The following NMT1 variants were observed in gnomAD, a reference collection of about 807,000 sequenced individuals.
The protein encoded by NMT1 is glycylpeptide N-tetradecanoyltransferase 1.
NMT1 carries 12 observed loss-of-function variants against 63.4 expected under a neutral mutation model. The observed-to-expected ratio is 0.19, with a 90% CI of 0.12 to 0.31. The LOEUF is 0.31. Ranked by LOEUF, NMT1 falls within the 10% of genes least tolerant of loss-of-function variation. The pLI is 1.00. For synonymous variants in NMT1, 228 were observed against 234.3 expected, an observed-to-expected ratio of 0.97 and a Z score of 0.25; for missense variants, 432 against 634.6, an observed-to-expected ratio of 0.68 and a Z score of 3.43.
chr17:45,061,641 G>A, intron 1 of NMT1, 181 bp downstream of exon 1: 1 of 578,684 alleles, frequency 1.7e-6, no homozygotes, highest in Non-Finnish European at 3.1e-6. Flanking sequence ...GGGTGCTCTG[G>A]ATATTAAGGG....
rs761534426 is a variant in NMT1, at chr17:45,102,944, C to A, written c.994-7C>A. 1.2e-6 allele frequency: 2 copies of A among 1,605,186 alleles called. No individual in the cohort carries two copies. Among genetic ancestry groups the A allele is most frequent in the Admixed American group, 3.3e-5 (2 of 59,724 alleles). ...ATCTCACTCCATCTCTTCTGTCTTG[C>A]CTCCAGACTCCCAAGACAGCTGGGC... On this transcript the variant is annotated splice_region_variant and splice_polypyrimidine_tract_variant and intron_variant, in intron 8 of 11. Transcript: ENST00000258960.
chr17:45,099,980 C>T (rs2054150491), intron 8 of NMT1, among the ~76,000 whole-genome samples: 1 of 152,152 alleles, frequency 6.6e-6, no homozygotes, highest in East Asian at 1.9e-4. Context: ...CCAGATTTGG[C>T]TGAAGGACTG....
chr17:45,081,676 A>T lies in NMT1; in HGVS notation c.164A>T (p.Lys55Ile), dbSNP rs774451911. ...AGTCCAGCCAATGACACTGGAGCCA[A>T]AAAGAAGAAAAAGAAACAAAAAAAG... ...GLSPANDTGA[K>I]KKKKKQKKKK... The change falls in exon 2 of 12, where the codon AAA becomes ATA. Residue 55 changes from lysine to isoleucine, a missense_variant. Physicochemically the swap from Lys to Ile is moderately radical, Grantham distance 102. This residue lies in a region of NMT1 where 121 missense variants were observed against 103.7 expected (regional missense o/e 1.17). Coordinates refer to ENST00000258960, the MANE Select transcript of NMT1 (RefSeq NM_021079.5). The T allele has an allele frequency of 6.2e-7, 1 of 1,613,810 alleles. No homozygotes were observed. Among genetic ancestry groups the T allele is most frequent in the Non-Finnish European group, 8.5e-7 (1 of 1,179,814 alleles).
chr17:45,097,636 C>T (rs1033262834), intron 6 of NMT1, among the ~76,000 whole-genome samples: 9 of 152,136 alleles, frequency 5.9e-5, no homozygotes, highest in Admixed American at 2.6e-4. Context: ...GGAATATAGA[C>T]GTGAGCCATT....
In NMT1 at chr17:45,103,164, G is replaced by C; in HGVS notation, c.1164+43G>C. 6.4e-7 allele frequency: 1 copy of C among 1,572,078 alleles called. No homozygotes were observed. Among genetic ancestry groups the C allele is most frequent in the Non-Finnish European group, 8.7e-7 (1 of 1,149,480 alleles). ...GTTCCAGGTCTCTAACACGTTCCCAGAGAGGCACCCCCCTGAGTGGCCGGG... is the reference window on the plus strand; with the variant it reads ...GTTCCAGGTCTCTAACACGTTCCCACAGAGGCACCCCCCTGAGTGGCCGGG... On this transcript the variant is annotated intron_variant, in intron 9 of 11. Coordinates refer to ENST00000258960, the MANE Select transcript of NMT1 (RefSeq NM_021079.5). This position sits in a 1 kb window ranked among gnomAD's most constrained non-coding sequence, Gnocchi z 4.8.
At chr17:45,086,074 G>A (rs1489071945) in intron 2 of NMT1, among the ~76,000 whole-genome samples, 2 of 150,298 alleles carry the variant, frequency 1.3e-5, no homozygotes, top group African/African-American at 4.9e-5. Context: ...CACCTCCCTC[G>A]GCCTCCCAAA....
intron 1 of NMT1, 69 bp downstream of exon 1, chr17:45,061,529 G>A: frequency 2.8e-6 from 4 of 1,432,860 alleles, no homozygotes; most frequent in Non-Finnish European, 3.8e-6. Context: ...GTGCGGGGAA[G>A]TCACCGGGAG....
chr17:45,062,263 A>G (rs2053868636), intron 1 of NMT1, among the ~76,000 whole-genome samples: 1 of 152,190 alleles, frequency 6.6e-6, no homozygotes, highest in Non-Finnish European at 1.5e-5. Flanking sequence ...TGAATGTTGA[A>G]TTCTTTTCCC....
At chr17:45,067,426 T>G (rs927323793) in intron 1 of NMT1, among the ~76,000 whole-genome samples, 4 of 152,204 alleles carry the variant, frequency 2.6e-5, no homozygotes, top group Admixed American at 6.6e-5. Context: ...GCTCTCTTAC[T>G]CCCTGGGACA....
In NMT1 at chr17:45,106,131, G is replaced by A. The variant is rs895230067; in HGVS notation, c.*492G>A. On this transcript the variant is annotated 3_prime_UTR_variant, in exon 12 of 12. Coordinates refer to ENST00000258960, the MANE Select transcript of NMT1 (RefSeq NM_021079.5). ...ACAGTTCATGGTTTCCTCCAGAGGA[G>A]ACATTGGCTTATCATGGGGAAAAAG... 1 of 152,520 alleles carries A rather than the reference G, an allele frequency of 6.6e-6. No homozygotes were observed. Among genetic ancestry groups the A allele is most frequent in the Admixed American group, 6.5e-5 (1 of 15,282 alleles). 9.4% of individuals were successfully genotyped at this position (152,520 alleles called of 1,614,324 possible).
At chr17:45,065,623 CAAAAAA>C (rs397944011) in intron 1 of NMT1, among the ~76,000 whole-genome samples, 192 of 81,728 alleles carry the variant, frequency 2.3e-3, no homozygotes, top group African/African-American at 8.3e-3. Context: ...GACTCTGTCT[CAAAAAA>C]AAAAAAAAAA....
At chr17:45,088,719 A>G (rs971065980) in intron 3 of NMT1, among the ~76,000 whole-genome samples, 1 of 151,316 alleles carries the variant, frequency 6.6e-6, no homozygotes, top group African/African-American at 2.4e-5. Flanking sequence ...GCACCACTGC[A>G]CTCCAGCCTG....
At chr17:45,098,613 AT>A (rs1401133793) in intron 7 of NMT1, 61 bp downstream of exon 7, 1 of 1,486,766 alleles carries the variant, frequency 6.7e-7, no homozygotes, top group Non-Finnish European at 9.3e-7. Context: ...GTTGAGGAGC[AT>A]GTGCCACTGT....
rs754485882 is a variant in NMT1, at chr17:45,106,865, G to A, written c.*1226G>A. On this transcript the variant is annotated 3_prime_UTR_variant, in exon 12 of 12. Coordinates refer to ENST00000258960, the MANE Select transcript of NMT1 (RefSeq NM_021079.5). ...CGCTGATGCTGTTTTGTGGATTTTTGTGGTAGTGATGGTTGTCAGTGCTGC... is the reference window on the plus strand; with the variant it reads ...CGCTGATGCTGTTTTGTGGATTTTTATGGTAGTGATGGTTGTCAGTGCTGC... 1.3e-5 allele frequency: 2 copies of A among 152,614 alleles called. No individual in the cohort carries two copies. The highest frequency in any genetic ancestry group is 2.4e-5 in the African/African-American group (1 of 41,454). 9.5% of individuals were successfully genotyped at this position (152,614 alleles called of 1,614,324 possible). A position where few individuals can be genotyped will look rare whatever the true frequency, so the allele number is the denominator to read the frequency against.
chr17:45,106,135 T>C lies in NMT1; in HGVS notation c.*496T>C, dbSNP rs2054201312. ...TTCATGGTTTCCTCCAGAGGAGACA[T>C]TGGCTTATCATGGGGAAAAAGAGGA... is the stretch of plus-strand genomic sequence containing the variant. On this transcript the variant is annotated 3_prime_UTR_variant, in exon 12 of 12. Transcript: ENST00000258960. 1 of 152,440 alleles carries C rather than the reference T, an allele frequency of 6.6e-6. No homozygotes were observed. Among genetic ancestry groups the C allele is most frequent in the Admixed American group, 6.6e-5 (1 of 15,256 alleles). 9.4% of individuals were successfully genotyped at this position (152,440 alleles called of 1,614,324 possible).
At chr17:45,071,806 C>G (rs1186230145) in intron 1 of NMT1, among the ~76,000 whole-genome samples, 1 of 151,830 alleles carries the variant, frequency 6.6e-6, no homozygotes, top group African/African-American at 2.4e-5. Flanking sequence ...TCGTGGGGCA[C>G]TACTACATCG....
chr17:45,090,940 G>A (rs868610161), intron 3 of NMT1, among the ~76,000 whole-genome samples: 2 of 151,996 alleles, frequency 1.3e-5, no homozygotes, highest in South Asian at 4.2e-4. Flanking sequence ...TCCCCACAGA[G>A]CAGGACAAGC....
chr17:45,093,648 G>A (rs749345028), intron 3 of NMT1, 37 bp from the exon 4 acceptor site: 13 of 1,586,808 alleles, frequency 8.2e-6, no homozygotes, highest in Non-Finnish European at 1.1e-5. Context: ...CCCCGAGGGG[G>A]CAAAGGGTGA....
At chr17:45,081,378 A>G (rs2054016231) in intron 1 of NMT1, among the ~76,000 whole-genome samples, 1 of 152,238 alleles carries the variant, frequency 6.6e-6, no homozygotes, top group African/African-American at 2.4e-5. Flanking sequence ...GAAAATAAGC[A>G]ACATAAAAGC....
Sources: gnomAD v4.1 joint callset for allele counts (sites outside exome capture counted in the v4.1 genomes callset) on GRCh38, gnomAD v4.1.1 for gene constraint, gnomAD v4.1.1 regional missense constraint, Gnocchi (gnomAD v3.1) non-coding constraint, MANE v1.5 for transcripts, NCBI Gene and HGNC (gene_info 2026-07-23, HGNC 2026-07-21) for gene names.